RPS13: variants seen among roughly 807,000 people sequenced by gnomAD.
RPS13 encodes small ribosomal subunit protein uS15.
RPS13 carries 1 observed loss-of-function variant against 24.6 expected under a neutral mutation model. That is an observed-to-expected ratio of 0.04 (90% CI 0.01 to 0.19). RPS13 has a LOEUF of 0.19. Among genes scored for constraint, RPS13 ranks in the 10% least tolerant of loss-of-function variants. RPS13 has a pLI of 1.00. For synonymous variants in RPS13, 69 were observed against 65.3 expected (o/e 1.06, Z -0.27); for missense variants, 88 against 187.4 (o/e 0.47, Z 3.10).
chr11:17,075,436 T>G lies in RPS13; in HGVS notation c.321+18A>C, dbSNP rs1565226088. ...ACAAGCAGTCCTACTTAGCACCAGG[T>G]TTTATTTATTAGCTTACCTTTCTGT... On this transcript the variant is annotated intron_variant, in intron 4 of 5. Coordinates refer to ENST00000525634, the MANE Select transcript of RPS13 (RefSeq NM_001017.3). 2.6e-6 allele frequency: 4 copies of G among 1,536,046 alleles called. No individual in the cohort carries two copies.
chr11:17,076,846 G>A, intron 3 of RPS13: 1 of 439,254 alleles, frequency 2.3e-6, no homozygotes, highest in Non-Finnish European at 4.2e-6. Context: ...ACCTAACTGT[G>A]AGGAACTGTG....
chr11:17,076,883 ACTC>A lies in RPS13; in HGVS notation c.151+282_151+284del, dbSNP rs1848031789. On this transcript the variant is annotated intron_variant, in intron 3 of 5. Coordinates refer to ENST00000525634, the MANE Select transcript of RPS13 (RefSeq NM_001017.3). ...CAGGCACTCTGCTTAGCCAATTCCA[ACTC>A]CTCCACTTGACAGCTGTGTGATTTG... 6.0e-6 allele frequency: 3 copies of A among 498,760 alleles called. No individual in the cohort carries two copies. The South Asian group carries it at 8.1e-5, about 14-fold the overall frequency. 30.9% of individuals were successfully genotyped at this position (498,760 alleles called of 1,614,324 possible).
At chr11:17,076,014 C>T (rs1848020386) in intron 3 of RPS13, 1 of 324,324 alleles carries the variant, frequency 3.1e-6, no homozygotes, top group Non-Finnish European at 6.1e-6. Flanking sequence ...CAATCTATGA[C>T]ATATTTTCTT....
At chr11:17,075,272 T>C (rs1484201021) in intron 4 of RPS13, 75 bp from the exon 5 acceptor site, 1 of 1,135,572 alleles carries the variant, frequency 8.8e-7, no homozygotes, top group Non-Finnish European at 1.3e-6. Context: ...AATAAGAGAA[T>C]GTAGAGCTAC....
At chr11:17,077,593 A>G (rs766310169) in intron 1 of RPS13, 26 bp downstream of exon 1, 1 of 620,758 alleles carries the variant, frequency 1.6e-6, no homozygotes, top group Non-Finnish European at 2.8e-6. Flanking sequence ...CCCGCCCAGC[A>G]ATCCGGCTTG....
At chr11:17,076,557 A>C (rs776807592) in intron 3 of RPS13, 83 of 275,188 alleles carry the variant, frequency 3.0e-4, no homozygotes, top group South Asian at 2.8e-3. Context: ...ACTGTCTCAA[A>C]AAAAAAAAAA....
At chr11:17,076,925 T>C in intron 3 of RPS13, 1 of 546,704 alleles carries the variant, frequency 1.8e-6, no homozygotes, top group East Asian at 2.9e-5. Context: ...CTGGTTAGTA[T>C]CCAGCGGCAG....
chr11:17,075,657 G>A (rs58066147), intron 3 of RPS13, 34 bp from the exon 4 acceptor site: 2 of 1,523,672 alleles, frequency 1.3e-6, no homozygotes, highest in South Asian at 1.2e-5. Flanking sequence ...CTTTCAACAC[G>A]AAACACAAAC....
At position 17,077,489 on chromosome 11, in the gene RPS13, A is replaced by G. The variant is rs1158628877; in HGVS notation, c.24-12T>C. The G allele has an allele frequency of 6.2e-7, 1 of 1,613,806 alleles. No homozygotes were observed. Among genetic ancestry groups the G allele is most frequent in the Admixed American group, 1.7e-5 (1 of 59,960 alleles). On this transcript the variant is annotated splice_polypyrimidine_tract_variant and intron_variant, in intron 1 of 5. Transcript: ENST00000525634. ...GGGACAGGCCCTTCCTGGGGAGAGA[A>G]GCAGTCTCGAGGTGAGGTGGCGGCT...
At chr11:17,075,951 T>C (rs139992522) in intron 3 of RPS13, 1 of 423,212 alleles carries the variant, frequency 2.4e-6, no homozygotes, top group Non-Finnish European at 4.6e-6. Flanking sequence ...GATATTCTTC[T>C]AAAAACTTTA....
chr11:17,075,852 A>T (rs1327947873), intron 3 of RPS13: 1 of 640,400 alleles, frequency 1.6e-6, no homozygotes, highest in Admixed American at 2.1e-5. Flanking sequence ...AATGTTGGAA[A>T]ACCATCATCA....
intron 3 of RPS13, chr11:17,075,836 A>C: frequency 1.5e-6 from 1 of 660,116 alleles, no homozygotes; most frequent in South Asian, 1.5e-5. Context: ...TCTGGTGGAA[A>C]CTGCGAATGT....
At position 17,075,485 on chromosome 11, in the gene RPS13, G is replaced by A. The variant is rs1848012040; in HGVS notation, c.290C>T (p.Ala97Val). ...GTTCCTCTCAAGATGCTTTCGAACAGCAACTGCTTTCTTAATTAAATGGTA... is the reference window on the plus strand; with the variant it reads ...GTTCCTCTCAAGATGCTTTCGAACAACAACTGCTTTCTTAATTAAATGGTA... ...DLYHLIKKAV[A>V]VRKHLERNRK... Residue 97 changes from alanine (A) to valine (V), a missense_variant, in exon 4 of 6, where the codon GCT becomes GTT. Transcript: ENST00000525634. 6.3e-7 allele frequency: 1 copy of A among 1,585,798 alleles called. No homozygotes were observed. The highest frequency in any genetic ancestry group is 8.5e-7 in the Non-Finnish European group (1 of 1,170,642).
chr11:17,076,313 C>G (rs542683241), intron 3 of RPS13: 1 of 238,084 alleles, frequency 4.2e-6, no homozygotes, highest in South Asian at 3.9e-5. Context: ...TTGCTTGAAC[C>G]CAGGAGGCGG....
At position 17,075,383 on chromosome 11, in the gene RPS13, G is replaced by A. The variant is rs372035109; in HGVS notation, c.321+71C>T. On this transcript the variant is annotated intron_variant, in intron 4 of 5. Coordinates refer to ENST00000525634, the MANE Select transcript of RPS13 (RefSeq NM_001017.3). ...AAGCCTTGGATAATTCAAACCAGAT[G>A]CATTACATTTTACCGAAAAAATTTA... The A allele has an allele frequency of 5.7e-4, 697 of 1,213,084 alleles. 9 individuals are homozygous for A. In the South Asian group the frequency reaches 9.8e-3, roughly 17 times the overall value. The allele number at this position is 1,213,084 out of a possible 1,614,324, so 75.1% of individuals were successfully genotyped here.
chr11:17,076,864 C>T (rs562572088), intron 3 of RPS13: 369 of 477,086 alleles, frequency 7.7e-4, no homozygotes, highest in Middle Eastern at 2.8e-3. Flanking sequence ...GTGTCAGGCA[C>T]TCTGCTTAGC....
intron 3 of RPS13, 105 bp from the exon 4 acceptor site, chr11:17,075,728 G>A: frequency 1.1e-6 from 1 of 874,336 alleles, no homozygotes; most frequent in Non-Finnish European, 1.9e-6. Flanking sequence ...CTGTAAGATG[G>A]GGGTATACTT....
intron 5 of RPS13, chr11:17,074,810 A>G: frequency 1.5e-6 from 1 of 658,438 alleles, no homozygotes; most frequent in African/African-American, 1.8e-5. Context: ...TCTACCTACT[A>G]TCTAAAAGAG....
chr11:17,077,057 CG>C (rs1313292172), intron 3 of RPS13, 110 bp downstream of exon 3: 4 of 772,424 alleles, frequency 5.2e-6, no homozygotes, highest in Non-Finnish European at 9.1e-6. Flanking sequence ...GCCTCTAGCA[CG>C]GTGGCGAGAC....
Sources: allele counts gnomAD v4.1 joint callset, GRCh38; gene constraint gnomAD v4.1.1; transcripts MANE v1.5; gene names NCBI Gene and HGNC (gene_info 2026-07-23, HGNC 2026-07-21).